Variants in KCTD8 observed in about 807,000 individuals in gnomAD.
KCTD8 encodes BTB/POZ domain-containing protein KCTD8.
In KCTD8, 27 loss-of-function variants were observed where a neutral mutation model predicts 31.5. That is an observed-to-expected ratio of 0.86 (90% CI 0.63 to 1.18). The LOEUF is 1.18. KCTD8 is among the 50% of genes most tolerant of loss of function. The probability of loss-of-function intolerance (pLI) is 0.00; values close to 1 mark genes in which losing one functional copy is unlikely to be tolerated. For synonymous variants in KCTD8, 290 were observed against 280.0 expected (o/e 1.04, Z -0.36); for missense variants, 658 against 647.7 (o/e 1.02, Z -0.17).
chr4:44,412,704 A>G (rs1720990874), intron 1 of KCTD8, among the ~76,000 whole-genome samples: 1 of 152,184 alleles, frequency 6.6e-6, no homozygotes, highest in Non-Finnish European at 1.5e-5. Flanking sequence ...ACAAATTTTA[A>G]GAGTATTTAA....
At chr4:44,324,519 C>T (rs943129770) in intron 1 of KCTD8, among the ~76,000 whole-genome samples, 2 of 151,976 alleles carry the variant, frequency 1.3e-5, no homozygotes, top group African/African-American at 2.4e-5. Flanking sequence ...TCCACTTTTT[C>T]CAAGTTCTCC....
chr4:44,318,263 A>G (rs754662832), intron 1 of KCTD8, among the ~76,000 whole-genome samples: 5 of 152,242 alleles, frequency 3.3e-5, no homozygotes, highest in Non-Finnish European at 5.9e-5. Flanking sequence ...GAGATAGGGT[A>G]TCACTACATA....
intron 1 of KCTD8, among the ~76,000 whole-genome samples, chr4:44,403,201 GA>G (rs35520676): frequency 0.28 from 42,640 of 151,840 alleles, 6,251 homozygotes; most frequent in East Asian, 0.39. Flanking sequence ...GAGCAAAATA[GA>G]ATTTGTCAAA....
At chr4:44,301,087 G>A (rs1717603661) in intron 1 of KCTD8, among the ~76,000 whole-genome samples, 1 of 151,928 alleles carries the variant, frequency 6.6e-6, no homozygotes, top group African/African-American at 2.4e-5. Flanking sequence ...TGGTGTATAT[G>A]TGCCACATTT....
At chr4:44,316,979 GCAA>G (rs113080322) in intron 1 of KCTD8, among the ~76,000 whole-genome samples, 1 of 148,474 alleles carries the variant, frequency 6.7e-6, no homozygotes, top group Non-Finnish European at 1.5e-5. Context: ...CTCCATCTCA[GCAA>G]CAACAACAAC....
In KCTD8 at chr4:44,436,111, C is replaced by T. The variant is rs180756254; in HGVS notation, c.961+11452G>A. 3.3e-5 allele frequency among the ~76,000 whole-genome samples: 5 copies of T among 152,222 alleles called. No individual in the cohort carries two copies. In the East Asian group the frequency reaches 9.6e-4, roughly 29 times the overall value. On this transcript the variant is annotated intron_variant, in intron 1 of 1. Transcript: ENST00000360029. Reference sequence around the variant, plus strand: ...CAATGGAGGGATTTGACTGACACCACTCACATCAACTGATTAGTGGGGCAA... The same window carrying T: ...CAATGGAGGGATTTGACTGACACCATTCACATCAACTGATTAGTGGGGCAA...
chr4:44,205,640 A>G (rs971440979), intron 1 of KCTD8, among the ~76,000 whole-genome samples: 10 of 152,248 alleles, frequency 6.6e-5, no homozygotes, highest in Non-Finnish European at 1.2e-4. Context: ...TTTCTATAAG[A>G]TAAGTTACCA....
At chr4:44,410,883 T>C (rs972850869) in intron 1 of KCTD8, among the ~76,000 whole-genome samples, 1 of 152,242 alleles carries the variant, frequency 6.6e-6, no homozygotes, top group Non-Finnish European at 1.5e-5. Flanking sequence ...CATATCAGCA[T>C]GTATATTATA....
intron 1 of KCTD8, among the ~76,000 whole-genome samples, chr4:44,353,680 T>C (rs2109426115): frequency 6.6e-6 from 1 of 152,200 alleles, no homozygotes; most frequent in South Asian, 2.1e-4. Context: ...TTCAATATTT[T>C]TACCTCCCAC....
chr4:44,175,537 AAAG>A (rs755975475), intron 1 of KCTD8, among the ~76,000 whole-genome samples: 1 of 152,184 alleles, frequency 6.6e-6, no homozygotes, highest in African/African-American at 2.4e-5. Flanking sequence ...TTCATATTGA[AAAG>A]AAGATTTTTG....
intron 1 of KCTD8, among the ~76,000 whole-genome samples, chr4:44,439,992 T>A (rs1358690229): frequency 6.6e-6 from 1 of 151,830 alleles, no homozygotes; most frequent in Non-Finnish European, 1.5e-5. Context: ...AGTGCAACGG[T>A]GGGATCTCGG....
intron 1 of KCTD8, among the ~76,000 whole-genome samples, chr4:44,238,575 C>T (rs1037883271): frequency 2.0e-5 from 3 of 152,202 alleles, no homozygotes; most frequent in African/African-American, 7.2e-5. Flanking sequence ...CCACATATAT[C>T]TATGCAAAAA....
At chr4:44,384,092 A>G (rs1010526790) in intron 1 of KCTD8, among the ~76,000 whole-genome samples, 1 of 151,928 alleles carries the variant, frequency 6.6e-6, no homozygotes, top group African/African-American at 2.4e-5. Flanking sequence ...GGGAAATGCA[A>G]ATCAAAACTA....
chr4:44,199,831 C>T (rs1714078115), intron 1 of KCTD8, among the ~76,000 whole-genome samples: 2 of 151,736 alleles, frequency 1.3e-5, no homozygotes, highest in South Asian at 4.2e-4. Flanking sequence ...AACTGAGATG[C>T]AAAAGACCAT....
At chr4:44,389,044 TCTTA>T (rs1238811095) in intron 1 of KCTD8, among the ~76,000 whole-genome samples, 4 of 151,756 alleles carry the variant, frequency 2.6e-5, no homozygotes, top group Admixed American at 6.6e-5. Context: ...CTTCACAAGC[TCTTA>T]CTTATTTGTG....
intron 1 of KCTD8, among the ~76,000 whole-genome samples, chr4:44,305,727 G>A (rs1717783245): frequency 6.6e-6 from 1 of 151,742 alleles, no homozygotes; most frequent in South Asian, 2.1e-4. Context: ...GTATATGTGT[G>A]TATGTTTACA....
chr4:44,178,378 G>T (rs556925405), intron 1 of KCTD8, among the ~76,000 whole-genome samples: 25 of 152,186 alleles, frequency 1.6e-4, no homozygotes, highest in African/African-American at 6.0e-4. Flanking sequence ...TGGTGGAGGA[G>T]ATGCAGCATC....
intron 1 of KCTD8, among the ~76,000 whole-genome samples, chr4:44,431,096 C>T (rs7695962): frequency 0.32 from 48,695 of 151,320 alleles, 9,342 homozygotes; most frequent in African/African-American, 0.54. Flanking sequence ...CTTTACGATA[C>T]GTAAGAATAG....
intron 1 of KCTD8, among the ~76,000 whole-genome samples, chr4:44,254,124 T>C (rs1050950453): frequency 3.3e-5 from 5 of 151,938 alleles, no homozygotes; most frequent in Non-Finnish European, 5.9e-5. Flanking sequence ...ATGCAGAATA[T>C]TGAAAACACT....
Sources: gnomAD v4.1 joint callset for allele counts (sites outside exome capture counted in the v4.1 genomes callset) on GRCh38, gnomAD v4.1.1 for gene constraint, MANE v1.5 for transcripts, NCBI Gene and HGNC (gene_info 2026-07-23, HGNC 2026-07-21) for gene names.